Variants in PLCB1 observed in about 807,000 individuals in gnomAD.
PLCB1 encodes 1-phosphatidylinositol 4,5-bisphosphate phosphodiesterase beta-1.
PLCB1 carries 46 observed loss-of-function variants against 161.8 expected under a neutral mutation model. The observed-to-expected ratio is 0.28, with a 90% CI of 0.22 to 0.36. The LOEUF is 0.36. Among genes scored for constraint, PLCB1 ranks in the 10% least tolerant of loss-of-function variants. The pLI, the probability that PLCB1 is intolerant of heterozygous loss-of-function variation, is 1.00. For missense variants in PLCB1, 1,016 were observed against 1,472.5 expected (o/e 0.69, Z 5.07); for synonymous variants, 517 against 503.7 (o/e 1.03, Z -0.35).
intron 31 of PLCB1, among the ~76,000 whole-genome samples, chr20:8,810,704 T>G (rs993647924): frequency 2.0e-5 from 3 of 152,048 alleles, no homozygotes; most frequent in Non-Finnish European, 4.4e-5. Context: ...TGGCTCATGC[T>G]TATAATCCCA....
intron 2 of PLCB1, among the ~76,000 whole-genome samples, chr20:8,364,327 T>C (rs1433045049): frequency 6.6e-6 from 1 of 152,208 alleles, no homozygotes; most frequent in Non-Finnish European, 1.5e-5. Context: ...TTGGGCCAAA[T>C]ACTTTGGAAG....
intron 2 of PLCB1, among the ~76,000 whole-genome samples, chr20:8,256,220 A>G (rs1008327797): frequency 6.6e-6 from 1 of 152,104 alleles, no homozygotes; most frequent in Non-Finnish European, 1.5e-5. Context: ...AACCATCCCA[A>G]ACATAGTAAC....
chr20:8,363,106 G>C (rs1286612074), intron 2 of PLCB1, among the ~76,000 whole-genome samples: 1 of 152,090 alleles, frequency 6.6e-6, no homozygotes, highest in Admixed American at 6.6e-5. Context: ...GCCAAGATAC[G>C]TAAATTCATT....
chr20:8,463,914 T>G (rs924156984), intron 3 of PLCB1, among the ~76,000 whole-genome samples: 1 of 152,192 alleles, frequency 6.6e-6, no homozygotes, highest in African/African-American at 2.4e-5. Context: ...TACCTCTCCT[T>G]CATGCATCTC....
At chr20:8,506,350 G>A (rs1205955037) in intron 3 of PLCB1, among the ~76,000 whole-genome samples, 1 of 152,096 alleles carries the variant, frequency 6.6e-6, no homozygotes, top group East Asian at 1.9e-4. Context: ...ATGGTAGAAG[G>A]TTTTATAAGC....
In PLCB1 at chr20:8,215,852, A is replaced by G. The variant is rs543587604; in HGVS notation, c.177+65481A>G. ...CATAATTTAAGTTTTATATGTATGT[A>G]TATATATTTATATATATATTTAATT... is the stretch of plus-strand genomic sequence containing the variant. On this transcript the variant is annotated intron_variant, in intron 2 of 31. Coordinates refer to ENST00000338037, the MANE Select transcript of PLCB1 (RefSeq NM_015192.4). Among the ~76,000 whole-genome samples the G allele has an allele frequency of 2.0e-4, 31 of 151,838 alleles. 1 individual carries two copies. In the South Asian group the frequency reaches 6.4e-3, roughly 31 times the overall value.
Position 8,713,035 on chromosome 20 carries a change from G to GC in PLCB1, c.1251-3228dup, listed in dbSNP as rs1483877742. 2.0e-5 allele frequency among the ~76,000 whole-genome samples: 3 copies of GC among 152,204 alleles called. No homozygotes were observed. The East Asian group carries it at 5.8e-4, about 29-fold the overall frequency. ...TCCTCTGACTTTTTCAATTCAATTT[G>GC]CTCTCTGCTCTGATTTAGTTCCATC... On this transcript the variant is annotated intron_variant, in intron 12 of 31. Coordinates refer to ENST00000338037, the MANE Select transcript of PLCB1 (RefSeq NM_015192.4).
chr20:8,343,199 CCTGAGATTCTA>C (rs1985877186), intron 2 of PLCB1, among the ~76,000 whole-genome samples: 1 of 152,160 alleles, frequency 6.6e-6, no homozygotes, highest in Non-Finnish European at 1.5e-5. Flanking sequence ...TGAGATGGGG[CCTGAGATTCTA>C]CATTTCTGGC....
chr20:8,169,871 C>G (rs1232848998), intron 2 of PLCB1, among the ~76,000 whole-genome samples: 1 of 152,140 alleles, frequency 6.6e-6, no homozygotes, highest in Non-Finnish European at 1.5e-5. Context: ...AGGTTCTGGA[C>G]AAATTTGGAG....
intron 3 of PLCB1, among the ~76,000 whole-genome samples, chr20:8,482,021 G>T (rs991895496): frequency 1.4e-5 from 2 of 148,022 alleles, no homozygotes; most frequent in African/African-American, 5.0e-5. Flanking sequence ...AATTATTTTA[G>T]TATGCCATGT....
intron 4 of PLCB1, among the ~76,000 whole-genome samples, chr20:8,644,367 C>A (rs1216438970): frequency 6.8e-6 from 1 of 147,494 alleles, no homozygotes; most frequent in East Asian, 2.0e-4. Flanking sequence ...TCTTCCCGGC[C>A]GCCATCCCAT....
At chr20:8,865,656 G>A (rs1375019264) in intron 31 of PLCB1, among the ~76,000 whole-genome samples, 1 of 152,100 alleles carries the variant, frequency 6.6e-6, no homozygotes, top group East Asian at 1.9e-4. Context: ...CTTTCATAAT[G>A]TGGCTCCATC....
intron 23 of PLCB1, among the ~76,000 whole-genome samples, chr20:8,744,432 G>A (rs1215260359): frequency 6.6e-6 from 1 of 151,766 alleles, no homozygotes; most frequent in Non-Finnish European, 1.5e-5. Context: ...TTGTGAGTGA[G>A]CTGAAATTTA....
At chr20:8,523,496 CTATATATAT>C (rs1984457422) in intron 3 of PLCB1, among the ~76,000 whole-genome samples, 3 of 51,630 alleles carry the variant, frequency 5.8e-5, no homozygotes, top group African/African-American at 2.5e-4. Context: ...CTCTCTCTCT[CTATATATAT>C]ATATATATAT....
Position 8,612,356 on chromosome 20 carries a change from C to T in PLCB1, c.247-15938C>T, listed in dbSNP as rs966406096. Among the ~76,000 whole-genome samples the T allele has an allele frequency of 1.5e-4, 23 of 152,182 alleles. 1 individual carries two copies. The highest frequency in any genetic ancestry group is 3.3e-4 in the Admixed American group (5 of 15,278). On this transcript the variant is annotated intron_variant, in intron 3 of 31. Transcript: ENST00000338037. ...TCAGAGTTTTCCTGGGATTCTATGA[C>T]ATAAAGATCCACAAGTCAGCTTTGA... is the stretch of plus-strand genomic sequence containing the variant.
chr20:8,348,986 A>G (rs1264786631), intron 2 of PLCB1, among the ~76,000 whole-genome samples: 1 of 152,170 alleles, frequency 6.6e-6, no homozygotes, highest in African/African-American at 2.4e-5. Flanking sequence ...GTATATGCAT[A>G]TATTTGTATA....
At chr20:8,881,543 C>A in intron 31 of PLCB1, 79 bp from the exon 32 acceptor site, 2 of 1,027,284 alleles carry the variant, frequency 1.9e-6, no homozygotes, top group Non-Finnish European at 3.0e-6. Context: ...TTTTGTATAT[C>A]TCTTTCAGAG....
chr20:8,870,272 C>T (rs1455814603), intron 31 of PLCB1, among the ~76,000 whole-genome samples: 4 of 152,122 alleles, frequency 2.6e-5, no homozygotes, highest in African/African-American at 9.7e-5. Context: ...CAGATTTTCA[C>T]TAAATAAAAG....
intron 9 of PLCB1, among the ~76,000 whole-genome samples, chr20:8,673,239 A>G (rs1487993409): frequency 1.3e-5 from 2 of 152,074 alleles, no homozygotes; most frequent in Non-Finnish European, 2.9e-5. Context: ...AGGAAATTCT[A>G]CCAGGGCTGA....
Sources: gnomAD v4.1 joint callset for allele counts (sites outside exome capture counted in the v4.1 genomes callset) on GRCh38, gnomAD v4.1.1 for gene constraint, MANE v1.5 for transcripts, NCBI Gene and HGNC (gene_info 2026-07-23, HGNC 2026-07-21) for gene names.